Variants in DAB2IP observed in about 807,000 individuals in gnomAD.
DAB2IP encodes the protein disabled homolog 2-interacting protein.
In DAB2IP, 28 loss-of-function variants were observed where a neutral mutation model predicts 107.2. The observed-to-expected ratio is 0.26, with a 90% confidence interval of 0.19 to 0.36. The LOEUF (loss-of-function observed/expected upper bound fraction) is 0.36. DAB2IP is among the 10% of genes least tolerant of loss of function. DAB2IP has a pLI of 1.00. For missense variants in DAB2IP, 1,400 were observed against 1,644.7 expected, an observed-to-expected ratio of 0.85 and a Z score of 2.57; for synonymous variants, 755 against 706.4, an observed-to-expected ratio of 1.07 and a Z score of -1.09.
chr9:121,632,589 C>G (rs1336371913), intron 1 of DAB2IP, among the ~76,000 whole-genome samples: 1 of 152,168 alleles, frequency 6.6e-6, no homozygotes, highest in African/African-American at 2.4e-5. Context: ...TCCTCTGGCC[C>G]CTCCAGCATA....
intron 1 of DAB2IP, among the ~76,000 whole-genome samples, chr9:121,632,620 G>A (rs954007094): frequency 2.0e-5 from 3 of 152,116 alleles, no homozygotes; most frequent in South Asian, 2.1e-4. Context: ...CCCCAGGAAG[G>A]GTCAAACACA....
intron 1 of DAB2IP, among the ~76,000 whole-genome samples, chr9:121,569,143 G>A (rs1167592250): frequency 6.6e-6 from 1 of 152,240 alleles, no homozygotes; most frequent in African/African-American, 2.4e-5. Flanking sequence ...CCAGCCTCAG[G>A]GGTCCAGGGC....
At position 121,776,051 on chromosome 9, in the gene DAB2IP, C is replaced by T; in HGVS notation, c.3121-147C>T. ...GCCCCCACCAGCTGGGCTCCTTGGGCATCTCCTTGCTATGTGAAGTGGGCG... is the reference window on the plus strand; with the variant it reads ...GCCCCCACCAGCTGGGCTCCTTGGGTATCTCCTTGCTATGTGAAGTGGGCG... On this transcript the variant is annotated intron_variant, in intron 13 of 15. Coordinates refer to ENST00000408936, the Ensembl canonical transcript of DAB2IP. This position sits in a 1 kb window ranked among gnomAD's most constrained non-coding sequence, Gnocchi z 5.4. 1.1e-6 allele frequency: 1 copy of T among 929,632 alleles called. No homozygotes were observed. The highest frequency in any genetic ancestry group is 1.6e-6 in the Non-Finnish European group (1 of 634,706). The allele number at this position is 929,632 out of a possible 1,614,324, so 57.6% of individuals were successfully genotyped here.
At chr9:121,708,213 T>C (rs1341072744) in intron 3 of DAB2IP, among the ~76,000 whole-genome samples, 1 of 152,216 alleles carries the variant, frequency 6.6e-6, no homozygotes, top group East Asian at 1.9e-4. Flanking sequence ...AAGAGGGCTT[T>C]TTGTTTCCCA....
rs1311349472 is a variant in DAB2IP, at chr9:121,642,047, CTTT to C, written c.41-36630_41-36628del. ...TCTCTCTCTCTTTCTTTCTTTCTTTCTTTCTTTCTTTCTTTCTTTCTTTCTTTC... is the reference window on the plus strand; with the variant it reads ...TCTCTCTCTCTTTCTTTCTTTCTTTCCTTTCTTTCTTTCTTTCTTTCTTTC... On this transcript the variant is annotated intron_variant, in intron 1 of 16. Coordinates refer to the DAB2IP transcript ENST00000259371. 6.5e-3 allele frequency among the ~76,000 whole-genome samples: 253 copies of C among 38,882 alleles called. 6 individuals carry two copies. The highest frequency in any genetic ancestry group is 0.031 in the African/African-American group (223 of 7,222). The allele number at this position is 38,882 out of a possible 152,430, so 25.5% of individuals were successfully genotyped here.
At chr9:121,613,485 C>T (rs375910900) in intron 1 of DAB2IP, among the ~76,000 whole-genome samples, 3 of 152,088 alleles carry the variant, frequency 2.0e-5, no homozygotes, top group Non-Finnish European at 4.4e-5. Flanking sequence ...GGAAGTGGCC[C>T]GGTGCCTTTT....
chr9:121,735,093 A>G (rs1831801335), intron 3 of DAB2IP, among the ~76,000 whole-genome samples: 1 of 152,238 alleles, frequency 6.6e-6, no homozygotes, highest in African/African-American at 2.4e-5. Context: ...GACATTGGAT[A>G]AACAGATGAC....
chr9:121,751,277 C>T (rs922507866), intron 3 of DAB2IP: 1 of 159,450 alleles, frequency 6.3e-6, no homozygotes, highest in Non-Finnish European at 1.4e-5. Context: ...CTCCGCTGAA[C>T]TGGGTTCACA....
chr9:121,758,177 G>A (rs1000805103), intron 4 of DAB2IP, among the ~76,000 whole-genome samples: 21 of 152,172 alleles, frequency 1.4e-4, no homozygotes, highest in Admixed American at 1.3e-3. Flanking sequence ...GCAGAGACCC[G>A]GGTCTGCTGC....
intron 3 of DAB2IP, among the ~76,000 whole-genome samples, chr9:121,725,179 G>A (rs1831166787): frequency 6.6e-6 from 1 of 152,240 alleles, no homozygotes; most frequent in African/African-American, 2.4e-5. Flanking sequence ...GTGTGTATGT[G>A]TGTGTGTGTC....
intron 3 of DAB2IP, among the ~76,000 whole-genome samples, chr9:121,723,567 G>A (rs1195417769): frequency 6.6e-6 from 1 of 152,228 alleles, no homozygotes; most frequent in African/African-American, 2.4e-5. Flanking sequence ...GCTAAGATTG[G>A]GAGGAACTCT....
rs554225434 is a variant in DAB2IP at position 121,716,932 on chromosome 9, T to C, written c.362+17474T>C. 5.6e-4 allele frequency among the ~76,000 whole-genome samples: 85 copies of C among 152,224 alleles called. 2 individuals carry two copies. The South Asian group carries it at 0.017, about 31-fold the overall frequency. On this transcript the variant is annotated intron_variant, in intron 3 of 15. Coordinates refer to ENST00000408936, the Ensembl canonical transcript of DAB2IP. ...AATTTCTGTAGCCTCTAATGATGAG[T>C]AGTGAGTGGGAACTCTGTCTCCTTT...
chr9:121,770,028 G>A (rs552168831), intron 10 of DAB2IP, among the ~76,000 whole-genome samples: 95 of 152,344 alleles, frequency 6.2e-4, no homozygotes, highest in African/African-American at 1.9e-3. Flanking sequence ...TCTCTAAAGC[G>A]TGCCAGCAAG....
At chr9:121,774,979 T>C (rs984987689) in intron 13 of DAB2IP, among the ~76,000 whole-genome samples, 1 of 152,162 alleles carries the variant, frequency 6.6e-6, no homozygotes, top group Non-Finnish European at 1.5e-5. Context: ...AGATGTTTTC[T>C]TCCCCACCCC....
At position 121,635,539 on chromosome 9, in the gene DAB2IP, C is replaced by A. The variant is rs184405826; in HGVS notation, c.41-43139C>A. ...GCATGGAAACGGAGTGAAGGAGGCACTGGCTTTGCTGCCAACATGGCCTGT... is the reference window on the plus strand; with the variant it reads ...GCATGGAAACGGAGTGAAGGAGGCAATGGCTTTGCTGCCAACATGGCCTGT... On this transcript the variant is annotated intron_variant, in intron 1 of 16. Transcript: ENST00000259371. The surrounding 1 kb of genome is among the most constrained non-coding windows in gnomAD (Gnocchi z 4.3). 6.6e-6 allele frequency among the ~76,000 whole-genome samples: 1 copy of A among 152,156 alleles called. No individual in the cohort carries two copies. Among genetic ancestry groups the A allele is most frequent in the African/African-American group, 2.4e-5 (1 of 41,516 alleles).
At chr9:121,719,145 GC>G (rs1391583481) in intron 3 of DAB2IP, among the ~76,000 whole-genome samples, 1 of 152,168 alleles carries the variant, frequency 6.6e-6, no homozygotes, top group Non-Finnish European at 1.5e-5. Context: ...GCAAAGTGGA[GC>G]ACATGACCAA....
Position 121,685,871 on chromosome 9 carries a change from C to T in DAB2IP, c.228+7090C>T, listed in dbSNP as rs73664506. Among the ~76,000 whole-genome samples, 487 of 152,350 alleles carry T rather than the reference C, an allele frequency of 3.2e-3. 4 individuals are homozygous for T. Among genetic ancestry groups the T allele is most frequent in the African/African-American group, 0.011 (464 of 41,578 alleles). ...CATGGGAAACAGCATGAGCAAATGA[C>T]AGCAGGAACTGAGCGCAGTTTGGGG... On this transcript the variant is annotated intron_variant, in intron 2 of 15. Coordinates refer to ENST00000408936, the Ensembl canonical transcript of DAB2IP.
intron 14 of DAB2IP, among the ~76,000 whole-genome samples, chr9:121,777,441 C>A (rs1411856552): frequency 6.6e-6 from 1 of 152,240 alleles, no homozygotes; most frequent in Non-Finnish European, 1.5e-5. Flanking sequence ...TGTTCTCCAG[C>A]TCTGCTCTTG....
chr9:121,576,563 A>G (rs1008564796), intron 1 of DAB2IP, among the ~76,000 whole-genome samples: 1 of 152,038 alleles, frequency 6.6e-6, no homozygotes, highest in African/African-American at 2.4e-5. Flanking sequence ...CACTTTGATG[A>G]GTAAAGTCCA....
Sources: allele counts gnomAD v4.1 joint callset (sites outside exome capture counted in the v4.1 genomes callset), GRCh38; gene constraint gnomAD v4.1.1; non-coding constraint Gnocchi (gnomAD v3.1); transcripts MANE v1.5; gene names NCBI Gene and HGNC (gene_info 2026-07-23, HGNC 2026-07-21).